AHRR: variants seen among roughly 807,000 people sequenced by gnomAD.
AHRR encodes aryl hydrocarbon receptor repressor.
AHRR carries 28 observed loss-of-function variants against 44.0 expected under a neutral mutation model. The observed-to-expected ratio is 0.64, with a 90% CI of 0.47 to 0.87. The LOEUF is 0.87. Ranked by LOEUF, AHRR falls within the 40% of genes least tolerant of loss-of-function variation. AHRR has a pLI of 0.00. For missense variants in AHRR, 990 were observed against 953.9 expected, an observed-to-expected ratio of 1.04 and a Z score of -0.50; for synonymous variants, 434 against 407.0, an observed-to-expected ratio of 1.07 and a Z score of -0.80.
rs755005986 is a variant in AHRR, at chr5:432,953, T to C, written c.1112+6T>C. The C allele has an allele frequency of 5.7e-5, 91 of 1,591,524 alleles. No homozygotes were observed. Among genetic ancestry groups the C allele is most frequent in the Non-Finnish European group, 7.4e-5 (87 of 1,168,028 alleles). On this transcript the variant is annotated splice_donor_region_variant and intron_variant, in intron 10 of 10. Coordinates refer to ENST00000684583, the MANE Select transcript of AHRR (RefSeq NM_001377236.1). The stretch of plus-strand genomic sequence containing the variant: ...GACCCCAAGGGGGGCTCAGGGTAAG[T>C]GGTGCCAGGCAGCCTCCCCCAGCCC...
intron 10 of AHRR, 69 bp downstream of exon 10, chr5:433,016 G>A: frequency 6.8e-7 from 1 of 1,477,388 alleles, no homozygotes; most frequent in Admixed American, 2.6e-5. Flanking sequence ...CCAAAGAGCG[G>A]GTGGGGGAGT....
At chr5:344,961 G>GGGT (rs1411973853) in intron 2 of AHRR, among the ~76,000 whole-genome samples, 22 of 40,752 alleles carry the variant, frequency 5.4e-4, no homozygotes, top group South Asian at 1.7e-3. Flanking sequence ...GTGTGTGTGA[G>GGGT]GTTGGGGGCT....
At position 395,483 on chromosome 5, in the gene AHRR, A is replaced by G. The variant is rs966718453; in HGVS notation, c.352-17861A>G. The stretch of plus-strand genomic sequence containing the variant: ...TTCTCAGCTCCAGGACTGGACAGGC[A>G]GCTTCCCAGAGGCCACTGCAGGCCA... On this transcript the variant is annotated intron_variant, in intron 4 of 10. Coordinates refer to ENST00000684583, the MANE Select transcript of AHRR (RefSeq NM_001377236.1). This position sits in a 1 kb window ranked among gnomAD's most constrained non-coding sequence, Gnocchi z 5.3. Among the ~76,000 whole-genome samples, 3 of 152,238 alleles carry G rather than the reference A, an allele frequency of 2.0e-5. No homozygotes were observed. Among genetic ancestry groups the G allele is most frequent in the Admixed American group, 6.5e-5 (1 of 15,288 alleles).
intron 1 of AHRR, among the ~76,000 whole-genome samples, chr5:323,984 CCTACCTTCCTTT>C (rs1741602064): frequency 6.6e-6 from 1 of 151,530 alleles, no homozygotes; most frequent in East Asian, 1.9e-4. Context: ...CTCCTTCCTT[CCTACCTTCCTTT>C]CTTTTTTTCT....
chr5:397,045 ATGTTAG>A (rs1734740275), intron 4 of AHRR, among the ~76,000 whole-genome samples: 6 of 125,362 alleles, frequency 4.8e-5, no homozygotes, highest in Admixed American at 2.3e-4. Context: ...CTGACCATCC[ATGTTAG>A]CCCCTGACCA....
chr5:392,299 G>A (rs1414566034), intron 4 of AHRR, among the ~76,000 whole-genome samples: 1 of 96,122 alleles, frequency 1.0e-5, no homozygotes, highest in African/African-American at 4.9e-5. Context: ...GGCGCAGGGC[G>A]AGGCAGGGCC....
At chr5:376,904 G>T (rs1733733678) in intron 4 of AHRR, among the ~76,000 whole-genome samples, 188 bp downstream of exon 4, 2 of 152,182 alleles carry the variant, frequency 1.3e-5, no homozygotes, top group Admixed American at 6.5e-5. Context: ...CCCTGGGTCG[G>T]GGTCAGCCTT....
In AHRR at chr5:413,018, G is replaced by A. The variant is rs1049478165; in HGVS notation, c.352-326G>A. 9.2e-5 allele frequency among the ~76,000 whole-genome samples: 14 copies of A among 152,072 alleles called. No homozygotes were observed. In the East Asian group the frequency reaches 2.3e-3, roughly 25 times the overall value. Reference sequence around the variant, plus strand: ...CCAGACAGTGTGTAGGAGGAGGTACGTGGGCAGAAACGTCTGCAGAGGAAA... The same window carrying A: ...CCAGACAGTGTGTAGGAGGAGGTACATGGGCAGAAACGTCTGCAGAGGAAA... On this transcript the variant is annotated intron_variant, in intron 4 of 10. Coordinates refer to ENST00000684583, the MANE Select transcript of AHRR (RefSeq NM_001377236.1).
At chr5:408,681 T>G (rs1735363174) in intron 4 of AHRR, among the ~76,000 whole-genome samples, 1 of 152,256 alleles carries the variant, frequency 6.6e-6, no homozygotes, top group African/African-American at 2.4e-5. Flanking sequence ...GAGTTAAGTG[T>G]CAATGTTATA....
intron 10 of AHRR, 148 bp downstream of exon 10, chr5:433,095 C>G (rs1579717150): frequency 2.9e-6 from 3 of 1,028,628 alleles, no homozygotes; most frequent in Non-Finnish European, 4.1e-6. Flanking sequence ...TAACCTTACT[C>G]TCTGTGGAGC....
chr5:340,690 T>TATATATATATATATA (rs1560881649), intron 1 of AHRR, among the ~76,000 whole-genome samples: 15 of 15,632 alleles, frequency 9.6e-4, no homozygotes, highest in African/African-American at 4.7e-3. Context: ...ATATATATAT[T>TATATATATATATATA]TTTTTTTTTT....
intron 3 of AHRR, among the ~76,000 whole-genome samples, chr5:373,133 C>T (rs969867671): frequency 2.0e-5 from 3 of 152,216 alleles, no homozygotes; most frequent in Admixed American, 6.5e-5. Flanking sequence ...TGAGGTTCTG[C>T]GCGGTTGGCA....
At chr5:389,324 C>T (rs769417860) in intron 4 of AHRR, among the ~76,000 whole-genome samples, 4 of 152,190 alleles carry the variant, frequency 2.6e-5, no homozygotes, top group African/African-American at 4.8e-5. Flanking sequence ...CGTGAGTCCA[C>T]GTAAAGCCCT....
At chr5:362,495 T>A (rs1390561651) in intron 3 of AHRR, among the ~76,000 whole-genome samples, 1 of 152,168 alleles carries the variant, frequency 6.6e-6, no homozygotes, top group East Asian at 1.9e-4. Context: ...CCCCTTCCTC[T>A]CTGTCACTGG....
chr5:399,730 G>C (rs942756636), intron 4 of AHRR, among the ~76,000 whole-genome samples: 1 of 152,226 alleles, frequency 6.6e-6, no homozygotes, highest in Non-Finnish European at 1.5e-5. Flanking sequence ...CGGGTTAACC[G>C]AGCGGGGCTG....
intron 8 of AHRR, 113 bp from the exon 9 acceptor site, chr5:432,350 C>G (rs1736768083): frequency 1.0e-6 from 1 of 966,632 alleles, no homozygotes; most frequent in Non-Finnish European, 1.7e-6. Flanking sequence ...CTTCACTGCT[C>G]AGGTGTGACA....
chr5:322,671 C>T (rs1050381505), intron 1 of AHRR: 1 of 152,244 alleles, frequency 6.6e-6, no homozygotes, highest in Non-Finnish European at 1.5e-5. Flanking sequence ...AGGTAGGTCG[C>T]TCATCCAGCC....
At chr5:328,255 ATTTTTTTTTTTTTT>A (rs70955232) in intron 1 of AHRR, among the ~76,000 whole-genome samples, 9 of 54,286 alleles carry the variant, frequency 1.7e-4, no homozygotes, top group East Asian at 1.5e-3. Context: ...CCAACATCTG[ATTTTTTTTTTTTTT>A]TTTTTTTTTT....
At chr5:398,140 TTAGCCCCTGACCATCCACG>T (rs1431183364) in intron 4 of AHRR, among the ~76,000 whole-genome samples, 39 of 113,992 alleles carry the variant, frequency 3.4e-4, no homozygotes, top group East Asian at 9.3e-4. Flanking sequence ...ACCGTCCATG[TTAGCCCCTGACCATCCACG>T]TAGCCCCTGA....
Sources: gnomAD v4.1 joint callset for allele counts (sites outside exome capture counted in the v4.1 genomes callset) on GRCh38, gnomAD v4.1.1 for gene constraint, Gnocchi (gnomAD v3.1) non-coding constraint, MANE v1.5 for transcripts, NCBI Gene and HGNC (gene_info 2026-07-23, HGNC 2026-07-21) for gene names.